Variants in RASAL2 observed in about 807,000 individuals in gnomAD.
The protein encoded by RASAL2 is RAS protein activator like 2, also known as ras GTPase-activating protein nGAP.
In RASAL2, 58 loss-of-function variants were observed where a neutral mutation model predicts 128.9. That is an observed-to-expected ratio of 0.45 (90% CI 0.36 to 0.56). The LOEUF (loss-of-function observed/expected upper bound fraction) is 0.56. Ranked by LOEUF, RASAL2 falls within the 20% of genes least tolerant of loss-of-function variation. The probability of loss-of-function intolerance (pLI) is 0.00; values close to 1 mark genes in which losing one functional copy is unlikely to be tolerated. For synonymous variants in RASAL2, 561 were observed against 580.8 expected, an observed-to-expected ratio of 0.97 and a Z score of 0.49; for missense variants, 1,360 against 1,601.6, an observed-to-expected ratio of 0.85 and a Z score of 2.57.
At position 178,371,140 on chromosome 1, in the gene RASAL2, G is replaced by A. The variant is rs190625452; in HGVS notation, c.458-18960G>A. On this transcript the variant is annotated intron_variant, in intron 3 of 17. Coordinates refer to ENST00000367649, the MANE Select transcript of RASAL2 (RefSeq NM_170692.4). ...TGATTTTTCTCTGCCTGGTAATAAG[G>A]TATAAACCTGTGAAATAATCTTAAG... Among the ~76,000 whole-genome samples, 919 of 151,436 alleles carry A rather than the reference G, an allele frequency of 6.1e-3. 6 individuals carry two copies. The highest frequency in any genetic ancestry group is 9.7e-3 in the Non-Finnish European group (656 of 67,902).
At chr1:178,193,437 T>G (rs561133214) in intron 1 of RASAL2, among the ~76,000 whole-genome samples, 169 of 152,330 alleles carry the variant, frequency 1.1e-3, no homozygotes, top group African/African-American at 3.3e-3. Context: ...TAATGAATTT[T>G]TATATTGAAA....
At chr1:178,252,894 G>A (rs866820160) in intron 1 of RASAL2, among the ~76,000 whole-genome samples, 33 of 152,008 alleles carry the variant, frequency 2.2e-4, no homozygotes, top group African/African-American at 7.5e-4. Context: ...TCTCTCCCCC[G>A]ACTATATTGG....
chr1:178,364,050 C>T (rs1377477110), intron 3 of RASAL2, among the ~76,000 whole-genome samples: 6 of 150,832 alleles, frequency 4.0e-5, no homozygotes, highest in South Asian at 2.1e-4. Flanking sequence ...GAGCCGAGAT[C>T]GCGCCACTGC....
chr1:178,452,134 G>C (rs1677419523), intron 10 of RASAL2, among the ~76,000 whole-genome samples: 1 of 152,114 alleles, frequency 6.6e-6, no homozygotes, highest in Admixed American at 6.5e-5. Context: ...TACTAAACCA[G>C]ATGGTTTAGT....
chr1:178,095,256 C>T (rs1292246259), intron 1 of RASAL2, among the ~76,000 whole-genome samples: 1 of 152,180 alleles, frequency 6.6e-6, no homozygotes, highest in African/African-American at 2.4e-5. Flanking sequence ...GTTTCTGAAT[C>T]TCGTTGTAAA....
intron 1 of RASAL2, among the ~76,000 whole-genome samples, chr1:178,160,658 C>CA (rs1324224174): frequency 6.6e-6 from 1 of 151,900 alleles, no homozygotes; most frequent in Non-Finnish European, 1.5e-5. Context: ...ATAATGAAAA[C>CA]AAAAAAATAT....
chr1:178,447,745 A>T (rs756117974), intron 9 of RASAL2, among the ~76,000 whole-genome samples: 1 of 151,172 alleles, frequency 6.6e-6, no homozygotes, highest in Admixed American at 6.6e-5. Flanking sequence ...GACTGTAATC[A>T]TGCAAGTAAG....
At chr1:178,434,288 T>C (rs149607943) in intron 5 of RASAL2, among the ~76,000 whole-genome samples, 56 of 152,268 alleles carry the variant, frequency 3.7e-4, no homozygotes, top group African/African-American at 1.2e-3. Context: ...AAGTTGGATT[T>C]TCTACTCCCT....
At chr1:178,190,637 T>C (rs1662460344) in intron 1 of RASAL2, among the ~76,000 whole-genome samples, 1 of 152,166 alleles carries the variant, frequency 6.6e-6, no homozygotes. Flanking sequence ...ATCTAATGAT[T>C]TTTGTGAAAG....
At chr1:178,466,328 C>G (rs1647681189) in intron 16 of RASAL2, among the ~76,000 whole-genome samples, 1 of 152,102 alleles carries the variant, frequency 6.6e-6, no homozygotes, top group African/African-American at 2.4e-5. Flanking sequence ...TTTCTTTAAC[C>G]ATAACAATTA....
At chr1:178,404,981 C>T (rs1673907425) in intron 4 of RASAL2, among the ~76,000 whole-genome samples, 1 of 152,046 alleles carries the variant, frequency 6.6e-6, no homozygotes, top group Non-Finnish European at 1.5e-5. Context: ...AGCACCTAGC[C>T]GAGAAATGCA....
At chr1:178,313,936 AAAC>A (rs1460345308) in intron 3 of RASAL2, among the ~76,000 whole-genome samples, 6 of 152,176 alleles carry the variant, frequency 3.9e-5, no homozygotes, top group Non-Finnish European at 8.8e-5. Context: ...TAGACAATAA[AAAC>A]AACCTCTATT....
In RASAL2 at chr1:178,475,294, T is replaced by C. The variant is rs1327153051; in HGVS notation, c.*2055T>C. 2.6e-5 allele frequency: 4 copies of C among 152,264 alleles called. No homozygotes were observed. The highest frequency in any genetic ancestry group is 2.0e-4 in the Admixed American group (3 of 15,282). The allele number at this position is 152,264 out of a possible 1,614,324, so 9.4% of individuals were successfully genotyped here. ...TTTACGTTTTCTTCACCTTTGGTTT[T>C]GGTTTGCAAATTCTTACACCTTCTC... On this transcript the variant is annotated 3_prime_UTR_variant, in exon 18 of 18. Coordinates refer to ENST00000367649, the MANE Select transcript of RASAL2 (RefSeq NM_170692.4).
At chr1:178,157,138 A>G (rs1281693289) in intron 1 of RASAL2, among the ~76,000 whole-genome samples, 4 of 152,182 alleles carry the variant, frequency 2.6e-5, no homozygotes, top group Admixed American at 2.0e-4. Context: ...TCTCTTCTGC[A>G]TATGGAACTG....
At position 178,420,523 on chromosome 1, in the gene RASAL2, A is replaced by C. The variant is rs1438184997; in HGVS notation, c.577A>C (p.Lys193Gln). The C allele has an allele frequency of 6.2e-7, 1 of 1,608,808 alleles. No individual in the cohort carries two copies. Among genetic ancestry groups the C allele is most frequent in the Non-Finnish European group, 8.5e-7 (1 of 1,177,482 alleles). The change falls in exon 5 of 18, where the codon AAG becomes CAG. Residue 193 changes from lysine to glutamine, a missense_variant. This residue lies in a region of RASAL2 where 617 missense variants were observed against 714.2 expected (regional missense o/e 0.86). Transcript: ENST00000367649. Reference protein sequence around the residue: ...SPFKVPGFFSKRLKGSIKRTK... With the variant: ...SPFKVPGFFSQRLKGSIKRTK... ...CCTTTCCTTCTAGGGATTCTTCAGC[A>C]AGCGCCTGAAAGGCTCCATCAAGAG...
At chr1:178,160,020 GT>G (rs200042056) in intron 1 of RASAL2, among the ~76,000 whole-genome samples, 10 of 145,922 alleles carry the variant, frequency 6.9e-5, no homozygotes, top group Non-Finnish European at 9.1e-5. Flanking sequence ...TTATTCTGTA[GT>G]TTTTTTTTTA....
At chr1:178,383,606 T>C (rs150629215) in intron 3 of RASAL2, among the ~76,000 whole-genome samples, 76 of 152,308 alleles carry the variant, frequency 5.0e-4, no homozygotes, top group African/African-American at 1.3e-3. Context: ...TGTTTCACAA[T>C]TTGCCATTTG....
intron 17 of RASAL2, among the ~76,000 whole-genome samples, chr1:178,469,627 A>C (rs1290995738): frequency 6.6e-6 from 1 of 152,170 alleles, no homozygotes; most frequent in African/African-American, 2.4e-5. Context: ...GTGGTCTGCT[A>C]AGCTAGTTAA....
chr1:178,332,178 A>C (rs1669353030), intron 3 of RASAL2, among the ~76,000 whole-genome samples: 1 of 152,136 alleles, frequency 6.6e-6, no homozygotes, highest in African/African-American at 2.4e-5. Flanking sequence ...AATTTTTCTA[A>C]TTCAAGCCTA....
Sources: gnomAD v4.1 joint callset for allele counts (sites outside exome capture counted in the v4.1 genomes callset) on GRCh38, gnomAD v4.1.1 for gene constraint, gnomAD v4.1.1 regional missense constraint, MANE v1.5 for transcripts, NCBI Gene and HGNC (gene_info 2026-07-23, HGNC 2026-07-21) for gene names.